MBD5: variants seen among roughly 807,000 people sequenced by gnomAD.
MBD5 encodes the protein methyl-CpG binding domain protein 5, also known as methyl-CpG-binding domain protein 5.
In MBD5, 13 loss-of-function variants were observed where a neutral mutation model predicts 117.3. The observed-to-expected ratio is 0.11, with a 90% CI of 0.07 to 0.18. MBD5 has a LOEUF of 0.18. MBD5 is among the 10% of genes least tolerant of loss of function. The pLI is 1.00. For synonymous variants in MBD5, 727 were observed against 766.4 expected, an observed-to-expected ratio of 0.95 and a Z score of 0.85; for missense variants, 1,879 against 2,093.8, an observed-to-expected ratio of 0.90 and a Z score of 2.00.
intron 1 of MBD5, chr2:148,056,145 C>T (rs914524519): frequency 1.3e-5 from 2 of 151,678 alleles, no homozygotes; most frequent in Admixed American, 6.6e-5. Context: ...CATTTTCTAC[C>T]TCTTGCTTAT....
intron 1 of MBD5, chr2:148,025,525 T>C (rs531910046): frequency 2.0e-5 from 3 of 150,476 alleles, no homozygotes; most frequent in Non-Finnish European, 4.4e-5. Context: ...CAATGTTCAT[T>C]AAGTTATCTC....
intron 4 of MBD5, among the ~76,000 whole-genome samples, chr2:148,382,532 A>T (rs1704185179): frequency 6.6e-6 from 1 of 152,214 alleles, no homozygotes; most frequent in South Asian, 2.1e-4. Flanking sequence ...CACTGTCAAC[A>T]TTAGACAGAT....
At chr2:148,315,294 A>G (rs1304716768) in intron 3 of MBD5, among the ~76,000 whole-genome samples, 1 of 152,184 alleles carries the variant, frequency 6.6e-6, no homozygotes, top group Non-Finnish European at 1.5e-5. Context: ...GATGTAAACA[A>G]AGGTAGCATA....
chr2:148,515,699 GA>G lies in MBD5; in HGVS notation c.*2763del, dbSNP rs1682331468. On this transcript the variant is annotated 3_prime_UTR_variant, in exon 14 of 14. Coordinates refer to ENST00000642680, the MANE Select transcript of MBD5 (RefSeq NM_001378120.1). ...AACAAATCCAAGAATGGAAACAGAT[GA>G]AAAATTTTTTCTTCTTTAAAGAACA... The G allele has an allele frequency of 1.3e-5, 2 of 152,040 alleles. No individual in the cohort carries two copies. The highest frequency in any genetic ancestry group is 4.1e-4 in the South Asian group (2 of 4,824). The allele number at this position is 152,040 out of a possible 1,614,324, so 9.4% of individuals were successfully genotyped here.
chr2:148,088,865 T>G (rs771398475), intron 1 of MBD5, among the ~76,000 whole-genome samples: 2 of 152,076 alleles, frequency 1.3e-5, no homozygotes, highest in Non-Finnish European at 2.9e-5. Flanking sequence ...CATACTAACA[T>G]TGAATGCAAA....
intron 4 of MBD5, among the ~76,000 whole-genome samples, chr2:148,429,312 A>G (rs1705909446): frequency 6.6e-6 from 1 of 152,230 alleles, no homozygotes; most frequent in Admixed American, 6.5e-5. Flanking sequence ...ATCTCACACC[A>G]GTTAGAATGG....
At chr2:148,244,382 G>A (rs1435172988) in intron 3 of MBD5, 1 of 152,112 alleles carries the variant, frequency 6.6e-6, no homozygotes, top group African/African-American at 2.4e-5. Flanking sequence ...ACCACATTAT[G>A]AGACAGTAGT....
rs980681453 is a variant in MBD5 at position 148,330,974 on chromosome 2, G to T, written c.-679-11240G>T. On this transcript the variant is annotated intron_variant, in intron 3 of 13. Transcript: ENST00000642680. The stretch of plus-strand genomic sequence containing the variant: ...TTATCCAAGATTATATAACTAGAAA[G>T]AAATAGAGCCAGGATTTGAATCTAA... 3.4e-4 allele frequency among the ~76,000 whole-genome samples: 51 copies of T among 152,144 alleles called. 1 individual carries two copies. The highest frequency in any genetic ancestry group is 1.2e-3 in the African/African-American group (48 of 41,432).
At chr2:148,102,294 CA>C (rs1045634814) in intron 1 of MBD5, among the ~76,000 whole-genome samples, 15 of 152,082 alleles carry the variant, frequency 9.9e-5, no homozygotes, top group African/African-American at 3.1e-4. Flanking sequence ...AAGGCGGTTT[CA>C]AAAAAATCAA....
At chr2:148,170,301 A>T (rs956386345) in intron 1 of MBD5, among the ~76,000 whole-genome samples, 1 of 152,222 alleles carries the variant, frequency 6.6e-6, no homozygotes, top group Non-Finnish European at 1.5e-5. Flanking sequence ...AAACCTACTA[A>T]TAGTCTGAAT....
At chr2:148,115,899 A>G (rs1449581925) in intron 1 of MBD5, among the ~76,000 whole-genome samples, 15 of 152,100 alleles carry the variant, frequency 9.9e-5, no homozygotes, top group Non-Finnish European at 1.6e-4. Flanking sequence ...CTGGAGTGCA[A>G]TGGCATGATC....
chr2:148,428,082 G>T (rs1426786611), intron 4 of MBD5, among the ~76,000 whole-genome samples: 1 of 152,108 alleles, frequency 6.6e-6, no homozygotes, highest in Non-Finnish European at 1.5e-5. Flanking sequence ...ACATGATTGT[G>T]TATTTAGAAA....
intron 1 of MBD5, among the ~76,000 whole-genome samples, chr2:148,051,604 AGTGTGTGTGTGTGTGTGTGTGT>A (rs59584574): frequency 7.2e-6 from 1 of 139,236 alleles, no homozygotes; most frequent in African/African-American, 2.7e-5. Flanking sequence ...CTGTTTGTTG[AGTGTGTGTGTGTGTGTGTGTGT>A]GTGTGTGTGT....
intron 3 of MBD5, among the ~76,000 whole-genome samples, chr2:148,253,116 C>T (rs2106254304): frequency 6.6e-6 from 1 of 152,188 alleles, no homozygotes; most frequent in Non-Finnish European, 1.5e-5. Flanking sequence ...AAAAGATTCA[C>T]CTAATGGCCT....
chr2:148,421,535 T>G (rs1273261799), intron 4 of MBD5, among the ~76,000 whole-genome samples: 1 of 152,052 alleles, frequency 6.6e-6, no homozygotes, highest in East Asian at 1.9e-4. Flanking sequence ...CAGAAGTTTT[T>G]TTTTTTTTCA....
intron 4 of MBD5, among the ~76,000 whole-genome samples, chr2:148,424,242 T>C (rs1033349193): frequency 2.2e-5 from 3 of 136,808 alleles, no homozygotes; most frequent in African/African-American, 8.1e-5. Flanking sequence ...TCCTAGTCTC[T>C]GATAAAACAG....
intron 3 of MBD5, among the ~76,000 whole-genome samples, chr2:148,336,098 C>T (rs1702780239): frequency 6.6e-6 from 1 of 152,188 alleles, no homozygotes; most frequent in Admixed American, 6.5e-5. Flanking sequence ...AAATTGCAAT[C>T]AGAAAATCCA....
At chr2:148,067,227 A>G (rs564435724) in intron 1 of MBD5, among the ~76,000 whole-genome samples, 40 of 152,322 alleles carry the variant, frequency 2.6e-4, no homozygotes, top group African/African-American at 9.4e-4. Flanking sequence ...TCTGAACCAC[A>G]CGCTATATTA....
At chr2:148,446,634 A>G (rs1706538805) in intron 4 of MBD5, among the ~76,000 whole-genome samples, 1 of 30,084 alleles carries the variant, frequency 3.3e-5, no homozygotes, top group African/African-American at 8.4e-5. Context: ...GTGTGTGTAA[A>G]ACTGAAATAC....
Sources: allele counts gnomAD v4.1 joint callset (sites outside exome capture counted in the v4.1 genomes callset), GRCh38; gene constraint gnomAD v4.1.1; transcripts MANE v1.5; gene names NCBI Gene and HGNC (gene_info 2026-07-23, HGNC 2026-07-21).